Variants in PIK3C2G observed in about 807,000 individuals in gnomAD.
The protein encoded by PIK3C2G is phosphatidylinositol 3-kinase C2 domain-containing subunit gamma.
In PIK3C2G, 168 loss-of-function variants were observed where a neutral mutation model predicts 181.1. The observed-to-expected ratio is 0.93, with a 90% CI of 0.82 to 1.05. PIK3C2G has a LOEUF of 1.05. Among genes scored for constraint, PIK3C2G ranks in the 50% least tolerant of loss-of-function variants. The pLI is 0.00. For synonymous variants in PIK3C2G, 573 were observed against 592.2 expected, an observed-to-expected ratio of 0.97 and a Z score of 0.47; for missense variants, 1,869 against 1,732.8, an observed-to-expected ratio of 1.08 and a Z score of -1.40.
intron 18 of PIK3C2G, among the ~76,000 whole-genome samples, chr12:18,452,436 T>C (rs1947413327): frequency 6.6e-6 from 1 of 152,176 alleles, no homozygotes; most frequent in Admixed American, 6.5e-5. Context: ...TCATTTTTTA[T>C]TGTGCCTATT....
chr12:18,718,782 A>T, the PIK3C2G span, among the ~76,000 whole-genome samples: 1 of 152,140 alleles, frequency 6.6e-6, no homozygotes, highest in East Asian at 1.9e-4. Context: ...CCTGGTTATT[A>T]TCTGTCTATC....
At chr12:18,707,139 C>A in the PIK3C2G span, among the ~76,000 whole-genome samples, 5 of 152,190 alleles carry the variant, frequency 3.3e-5, no homozygotes, top group African/African-American at 4.8e-5. Flanking sequence ...CCAGAATAAT[C>A]TCCCCATCTA....
chr12:18,447,148 G>A (rs923218214), intron 18 of PIK3C2G, among the ~76,000 whole-genome samples: 2 of 152,048 alleles, frequency 1.3e-5, no homozygotes, highest in South Asian at 4.1e-4. Flanking sequence ...CCCCTATTTG[G>A]TTCGTGTGTT....
chr12:18,574,664 A>G (rs752004019), intron 29 of PIK3C2G, among the ~76,000 whole-genome samples: 1 of 152,224 alleles, frequency 6.6e-6, no homozygotes, highest in African/African-American at 2.4e-5. Context: ...AGAGACATAT[A>G]TATAATATCA....
At chr12:18,700,512 C>CAAAA in the PIK3C2G span, among the ~76,000 whole-genome samples, 12,306 of 67,368 alleles carry the variant, frequency 0.18, 2,517 homozygotes, top group African/African-American at 0.2. Flanking sequence ...AGCCAACGTA[C>CAAAA]AAAAAAAAAA....
intron 12 of PIK3C2G, among the ~76,000 whole-genome samples, chr12:18,368,741 G>T (rs903214887): frequency 3.9e-5 from 6 of 152,034 alleles, no homozygotes; most frequent in African/African-American, 1.4e-4. Context: ...CTATAACCAC[G>T]CTGGGTCTGG....
intron 16 of PIK3C2G, among the ~76,000 whole-genome samples, chr12:18,409,350 G>C (rs1176197552): frequency 1.3e-5 from 2 of 152,004 alleles, no homozygotes; most frequent in Non-Finnish European, 2.9e-5. Flanking sequence ...TGAATAATGA[G>C]AACACATGGA....
At chr12:18,414,223 C>T (rs927307727) in intron 16 of PIK3C2G, among the ~76,000 whole-genome samples, 3 of 151,978 alleles carry the variant, frequency 2.0e-5, no homozygotes, top group African/African-American at 4.8e-5. Context: ...GTCATGAGTT[C>T]GTAATTATTC....
intron 4 of PIK3C2G, among the ~76,000 whole-genome samples, chr12:18,293,543 T>C (rs1949802469): frequency 6.6e-6 from 1 of 152,104 alleles, no homozygotes; most frequent in Non-Finnish European, 1.5e-5. Flanking sequence ...CCTGGAACTT[T>C]TGCCTGGCTA....
At chr12:18,328,275 A>G (rs948415255) in intron 8 of PIK3C2G, among the ~76,000 whole-genome samples, 12 of 151,954 alleles carry the variant, frequency 7.9e-5, no homozygotes, top group Non-Finnish European at 1.8e-4. Context: ...GATAACCAGG[A>G]GAATATGACA....
the PIK3C2G span, chr12:18,723,403 A>C: frequency 6.2e-7 from 1 of 1,613,070 alleles, no homozygotes; most frequent in South Asian, 1.1e-5. Flanking sequence ...AAATTGAGCC[A>C]GATTACTTGC....
intron 26 of PIK3C2G, among the ~76,000 whole-genome samples, chr12:18,546,866 A>G (rs548401101): frequency 6.6e-6 from 1 of 152,006 alleles, no homozygotes; most frequent in African/African-American, 2.4e-5. Context: ...CTTTTAATCT[A>G]TTTTTTATTA....
intron 31 of PIK3C2G, among the ~76,000 whole-genome samples, chr12:18,615,964 G>T (rs1266229703): frequency 6.6e-6 from 1 of 151,926 alleles, no homozygotes; most frequent in African/African-American, 2.4e-5. Context: ...CACAAAATTT[G>T]TATTATATCT....
At chr12:18,340,837 T>C (rs1565615573) in intron 9 of PIK3C2G, among the ~76,000 whole-genome samples, 1 of 151,870 alleles carries the variant, frequency 6.6e-6, no homozygotes, top group East Asian at 1.9e-4. Flanking sequence ...TTAATGGAGG[T>C]ATTAAGGATG....
intron 26 of PIK3C2G, among the ~76,000 whole-genome samples, chr12:18,546,909 G>A (rs1944460767): frequency 6.6e-6 from 1 of 151,890 alleles, no homozygotes; most frequent in Admixed American, 6.6e-5. Context: ...TGTATATCAA[G>A]GTAAGAATCT....
chr12:18,446,103 G>A (rs1284155688), intron 18 of PIK3C2G, among the ~76,000 whole-genome samples: 1 of 152,164 alleles, frequency 6.6e-6, no homozygotes, highest in Non-Finnish European at 1.5e-5. Flanking sequence ...AACAGCAACA[G>A]ACTGTATAAT....
intron 5 of PIK3C2G, among the ~76,000 whole-genome samples, chr12:18,313,215 G>A (rs538104689): frequency 1.6e-4 from 24 of 152,136 alleles, no homozygotes; most frequent in African/African-American, 5.8e-4. Flanking sequence ...GAAAAATGTT[G>A]CAAAATAGTA....
At chr12:18,292,542 T>C (rs552844473) in intron 4 of PIK3C2G, among the ~76,000 whole-genome samples, 46 of 152,130 alleles carry the variant, frequency 3.0e-4, no homozygotes, top group Admixed American at 3.0e-3. Flanking sequence ...AGATCAATGA[T>C]GCTGCACCTT....
At chr12:18,439,880 T>C (rs1318976415) in intron 18 of PIK3C2G, among the ~76,000 whole-genome samples, 1 of 152,128 alleles carries the variant, frequency 6.6e-6, no homozygotes, top group Non-Finnish European at 1.5e-5. Context: ...GATACATTTG[T>C]AAAATACGTT....
Sources: gnomAD v4.1 joint callset for allele counts (sites outside exome capture counted in the v4.1 genomes callset) on GRCh38, gnomAD v4.1.1 for gene constraint, MANE v1.5 for transcripts, NCBI Gene and HGNC (gene_info 2026-07-23, HGNC 2026-07-21) for gene names.